APPL2: variants seen among roughly 807,000 people sequenced by gnomAD.
APPL2 encodes adaptor protein, phosphotyrosine interacting with PH domain and leucine zipper 2, also known as DCC-interacting protein 13-beta.
Under a neutral mutation model 92.7 loss-of-function variants are expected in APPL2, and 84 were observed. The observed-to-expected ratio is 0.91, with a 90% CI of 0.76 to 1.09. The LOEUF is 1.09. Ranked by LOEUF, APPL2 falls within the 50% of genes least tolerant of loss-of-function variation. The pLI is 0.00. For synonymous variants in APPL2, 291 were observed against 291.0 expected (o/e 1.00, Z 0.00); for missense variants, 736 against 824.5 (o/e 0.89, Z 1.31).
intron 2 of APPL2, among the ~76,000 whole-genome samples, chr12:105,224,987 CA>C (rs1262965048): frequency 6.6e-6 from 1 of 152,110 alleles, no homozygotes; most frequent in African/African-American, 2.4e-5. Flanking sequence ...CTTCTAGGAT[CA>C]GGAGTTTTAA....
chr12:105,229,756 C>T (rs545955105), intron 1 of APPL2: 212 of 988,184 alleles, frequency 2.1e-4, no homozygotes, highest in Non-Finnish European at 2.5e-4. Context: ...TATGGTACTA[C>T]GATTTCCTTG....
At chr12:105,178,774 T>G (rs1292289738) in intron 17 of APPL2, among the ~76,000 whole-genome samples, 1 of 152,206 alleles carries the variant, frequency 6.6e-6, no homozygotes. Flanking sequence ...TATGGGAATT[T>G]AAGTAGACAA....
chr12:105,185,764 G>C (rs11112400), intron 17 of APPL2, among the ~76,000 whole-genome samples: 1 of 152,040 alleles, frequency 6.6e-6, no homozygotes, highest in Non-Finnish European at 1.5e-5. Context: ...AATGGTCTCA[G>C]AACCTATTCC....
rs114089245 is a variant in APPL2, at chr12:105,192,272, T to A, written c.1242-2117A>T. ...GATCCTGGTCTAAACCACCATCATC[T>A]TCTCTTGGGCTGTTGGGACGCCTCC... On this transcript the variant is annotated intron_variant, in intron 14 of 20. Transcript: ENST00000258530. Among the ~76,000 whole-genome samples the A allele has an allele frequency of 5.9e-3, 906 of 152,336 alleles. 7 individuals carry two copies. Among genetic ancestry groups the A allele is most frequent in the African/African-American group, 0.02 (841 of 41,582 alleles).
At chr12:105,180,284 G>A (rs527746205) in intron 17 of APPL2, among the ~76,000 whole-genome samples, 87 of 152,282 alleles carry the variant, frequency 5.7e-4, no homozygotes, top group African/African-American at 2.0e-3. Flanking sequence ...TCAGATGGTT[G>A]TAGATGTTTG....
chr12:105,179,306 G>C (rs1379031113), intron 17 of APPL2, among the ~76,000 whole-genome samples: 1 of 152,176 alleles, frequency 6.6e-6, no homozygotes, highest in African/African-American at 2.4e-5. Context: ...TCCCTGCAAA[G>C]GACATGAAGT....
At chr12:105,190,328 A>T (rs1228399807) in intron 14 of APPL2, among the ~76,000 whole-genome samples, 173 bp from the exon 15 acceptor site, 1 of 152,184 alleles carries the variant, frequency 6.6e-6, no homozygotes, top group Non-Finnish European at 1.5e-5. Flanking sequence ...ATCCTTGGCT[A>T]AAAACCTTCA....
intron 4 of APPL2, among the ~76,000 whole-genome samples, chr12:105,215,833 G>T (rs1370598858): frequency 6.6e-6 from 1 of 152,076 alleles, no homozygotes; most frequent in Non-Finnish European, 1.5e-5. Context: ...AAGGTCAGAA[G>T]ACCGAGACCA....
intron 9 of APPL2, among the ~76,000 whole-genome samples, chr12:105,200,186 T>C (rs1888039817): frequency 1.3e-5 from 2 of 152,152 alleles, no homozygotes; most frequent in African/African-American, 4.8e-5. Context: ...CTCAGCACCG[T>C]TGATGGAAAT....
In APPL2 at chr12:105,197,952, T is replaced by A. The variant is rs1277376861; in HGVS notation, c.865A>T (p.Lys289Ter). The part of the protein sequence containing the change: ...QKAGYLNLRN[K>*]TGLVTTTWER... ...CAGGTGGTGGTGACCAGCCCTGTTT[T>A]GCTGTGAGTTGTGTTTTAAAAAGCC... Residue 289 changes from lysine to a stop codon, truncating the protein, a stop_gained and splice_region_variant, in exon 11 of 21, where the codon AAA becomes TAA. Coordinates refer to ENST00000258530, the MANE Select transcript of APPL2 (RefSeq NM_018171.5). LOFTEE classifies it high-confidence loss of function. 13 of 1,612,854 alleles carry A rather than the reference T, an allele frequency of 8.1e-6. No homozygotes were observed. Among genetic ancestry groups the A allele is most frequent in the Non-Finnish European group, 1.0e-5 (12 of 1,179,464 alleles).
In APPL2 at chr12:105,199,483, C is replaced by T; in HGVS notation, c.753G>A (p.Gln251=). Residue 251 remains glutamine (Q), a synonymous_variant, in exon 10 of 21, where the codon CAG becomes CAA. Coordinates refer to ENST00000258530, the MANE Select transcript of APPL2 (RefSeq NM_018171.5). The part of the protein sequence containing the change: ...EAEAEKMRVS[Q]QELLSVDESV... ...ATTCATCAACAGAAAGTAATTCTTG[C>T]TGGGACACCCGCATCTTTTCCGCCT... is the stretch of plus-strand genomic sequence containing the variant. The T allele has an allele frequency of 6.2e-7, 1 of 1,614,076 alleles. No homozygotes were observed. Among genetic ancestry groups the T allele is most frequent in the East Asian group, 2.2e-5 (1 of 44,884 alleles).
chr12:105,228,957 CTG>C (rs1192010029), intron 2 of APPL2, among the ~76,000 whole-genome samples, 166 bp downstream of exon 2: 2 of 152,164 alleles, frequency 1.3e-5, no homozygotes, highest in African/African-American at 4.8e-5. Flanking sequence ...TGAGAACAGA[CTG>C]TCCTTAGGTT....
chr12:105,182,481 A>G (rs574074982), intron 17 of APPL2, among the ~76,000 whole-genome samples: 51 of 152,278 alleles, frequency 3.3e-4, no homozygotes, highest in African/African-American at 1.2e-3. Context: ...CAAGTAATTT[A>G]TTTATTTTTG....
intron 9 of APPL2, chr12:105,203,474 G>T: frequency 2.0e-6 from 1 of 496,510 alleles, no homozygotes. Flanking sequence ...TGTGACATGT[G>T]AAACTCCAAT....
In APPL2 at chr12:105,207,057, C is replaced by G. The variant is rs1330867280; in HGVS notation, c.621+4G>C. On this transcript the variant is annotated splice_donor_region_variant and intron_variant, in intron 8 of 20. Transcript: ENST00000258530. ...TTTCAGCCCTCAGGGAGGGACTCCCCTACCTGTCCATGGGCAAAGCCTATC... is the reference window on the plus strand; with the variant it reads ...TTTCAGCCCTCAGGGAGGGACTCCCGTACCTGTCCATGGGCAAAGCCTATC... 5.6e-6 allele frequency: 9 copies of G among 1,613,112 alleles called. No individual in the cohort carries two copies. The Admixed American group carries it at 1.3e-4, about 24-fold the overall frequency.
chr12:105,220,927 G>A (rs528291167), intron 2 of APPL2, among the ~76,000 whole-genome samples: 12 of 152,312 alleles, frequency 7.9e-5, no homozygotes, highest in South Asian at 4.1e-4. Context: ...AAAATGCTGC[G>A]TGTTTTCCTA....
At chr12:105,228,107 T>C (rs958778173) in intron 2 of APPL2, among the ~76,000 whole-genome samples, 5 of 152,160 alleles carry the variant, frequency 3.3e-5, no homozygotes, top group Non-Finnish European at 7.3e-5. Flanking sequence ...AATAAAACAA[T>C]GAGCAGTAAT....
chr12:105,217,695 A>G lies in APPL2; in HGVS notation c.184T>C (p.Ser62Pro). The change falls in exon 3 of 21, where the codon TCT (serine) becomes CCT (proline). Residue 62 changes from serine to proline, a missense_variant. Ser to Pro is a moderately conservative substitution (Grantham distance 74, BLOSUM62 -1). Transcript: ENST00000258530. Reference protein sequence around the residue: ...NEMCLATQQLSKQLLAYEKQN... With the variant: ...NEMCLATQQLPKQLLAYEKQN... ...TTTTCATATGCCAGCAGTTGCTTAG[A>G]AAGCTGTTGTGTGGCCAGGCACATC... 6.2e-7 allele frequency: 1 copy of G among 1,614,046 alleles called. No individual in the cohort carries two copies. Among genetic ancestry groups the G allele is most frequent in the Non-Finnish European group, 8.5e-7 (1 of 1,180,044 alleles).
At chr12:105,195,792 T>C (rs1190702597) in intron 11 of APPL2, among the ~76,000 whole-genome samples, 165 bp from the exon 12 acceptor site, 1 of 152,166 alleles carries the variant, frequency 6.6e-6, no homozygotes, top group East Asian at 1.9e-4. Context: ...CAGTGGCTCA[T>C]GCCTGCAGTC....
Sources: allele counts gnomAD v4.1 joint callset (sites outside exome capture counted in the v4.1 genomes callset), GRCh38; gene constraint gnomAD v4.1.1; transcripts MANE v1.5; gene names NCBI Gene and HGNC (gene_info 2026-07-23, HGNC 2026-07-21).